Variants in CD99L2 observed in about 807,000 individuals in gnomAD.
CD99L2 encodes the protein CD99 molecule like 2.
Under a neutral mutation model 27.3 loss-of-function variants are expected in CD99L2, and 24 were observed. The ratio of observed to expected loss-of-function variants is 0.88; its 90% CI spans 0.64 to 1.24. The LOEUF (loss-of-function observed/expected upper bound fraction) is 1.24. CD99L2 is among the 50% of genes most tolerant of loss of function. The probability of loss-of-function intolerance (pLI) is 0.00; values close to 1 mark genes in which losing one functional copy is unlikely to be tolerated. For synonymous variants in CD99L2, 97 were observed against 87.9 expected, an observed-to-expected ratio of 1.10 and a Z score of -0.58; for missense variants, 255 against 221.6, an observed-to-expected ratio of 1.15 and a Z score of -0.96.
chrX:150,841,240 T>C (rs2046618632), intron 1 of CD99L2, among the ~76,000 whole-genome samples: 1 of 109,061 alleles, frequency 9.2e-6, no homozygotes, highest in South Asian at 3.9e-4. Flanking sequence ...AATAGTGGCA[T>C]GCAAGAGATC....
In CD99L2 at chrX:150,825,745, A is replaced by G. The variant is rs1446243478; in HGVS notation, c.130+5486T>C. ...CATCAAAACACTTAGCTCCTAAAAT[A>G]AAGAGACCCATTTCTGTGAAGCCTT... On this transcript the variant is annotated intron_variant, in intron 2 of 10. Transcript: ENST00000370377. Among the ~76,000 whole-genome samples the G allele has an allele frequency of 1.7e-4, 19 of 112,443 alleles. No individual in the cohort carries two copies. In the Admixed American group the frequency reaches 1.8e-3, roughly 11 times the overall value.
intron 1 of CD99L2, among the ~76,000 whole-genome samples, chrX:150,889,681 T>C (rs1174257813): frequency 8.9e-6 from 1 of 112,150 alleles, no homozygotes; most frequent in African/African-American, 3.2e-5. Flanking sequence ...AGGGGTGTCA[T>C]ATCTATAGGA....
At chrX:150,822,326 A>T (rs1275332500) in intron 2 of CD99L2, among the ~76,000 whole-genome samples, 1 of 112,272 alleles carries the variant, frequency 8.9e-6, no homozygotes, top group Non-Finnish European at 1.9e-5. Context: ...AAATTCACAG[A>T]TACAGAAAGT....
At chrX:150,792,918 C>G (rs2045716578) in intron 7 of CD99L2, among the ~76,000 whole-genome samples, 1 of 112,140 alleles carries the variant, frequency 8.9e-6, no homozygotes, top group Non-Finnish European at 1.9e-5. Flanking sequence ...TTAACACTAT[C>G]TGGCCTTGGG....
chrX:150,840,082 G>T (rs1018181713), intron 1 of CD99L2, among the ~76,000 whole-genome samples: 1 of 109,399 alleles, frequency 9.1e-6, no homozygotes, highest in Non-Finnish European at 1.9e-5. Flanking sequence ...ATGCTTGTAC[G>T]CCCAGCTACT....
At chrX:150,831,103 C>A in intron 2 of CD99L2, 128 bp downstream of exon 2, 1 of 569,745 alleles carries the variant, frequency 1.8e-6, no homozygotes. Flanking sequence ...GCTACCGTGT[C>A]CGGGCACTAT....
At chrX:150,786,125 T>C (rs1232386684) in intron 7 of CD99L2, among the ~76,000 whole-genome samples, 3 of 111,712 alleles carry the variant, frequency 2.7e-5, no homozygotes, top group Non-Finnish European at 5.6e-5. Flanking sequence ...CAACATTTGA[T>C]ACTACCTTTT....
intron 1 of CD99L2, among the ~76,000 whole-genome samples, chrX:150,847,063 G>A (rs1238138201): frequency 1.8e-4 from 20 of 112,192 alleles, no homozygotes; most frequent in African/African-American, 5.2e-4. Flanking sequence ...GGAGAAAGGC[G>A]CTGAGCACGA....
chrX:150,828,928 G>C (rs2046400505), intron 2 of CD99L2: 1 of 111,323 alleles, frequency 9.0e-6, no homozygotes, highest in Non-Finnish European at 1.9e-5. Context: ...GTCCACTGTA[G>C]CCCTATTTGT....
chrX:150,864,936 C>G (rs374568772), intron 1 of CD99L2, among the ~76,000 whole-genome samples: 50 of 109,897 alleles, frequency 4.5e-4, no homozygotes, highest in African/African-American at 1.6e-3. Context: ...TGTGGTGGTG[C>G]ACACCTGTGG....
chrX:150,815,435 G>A (rs187753037), intron 3 of CD99L2, among the ~76,000 whole-genome samples: 1 of 112,073 alleles, frequency 8.9e-6, no homozygotes, highest in Non-Finnish European at 1.9e-5. Flanking sequence ...CTACCGCACA[G>A]AACGTATTAT....
chrX:150,854,737 C>T (rs1252769530), intron 1 of CD99L2, among the ~76,000 whole-genome samples: 1 of 111,047 alleles, frequency 9.0e-6, no homozygotes, highest in Admixed American at 9.6e-5. Context: ...GTCTCACAAC[C>T]CTCAGAAGGA....
intron 9 of CD99L2, 95 bp downstream of exon 9, chrX:150,776,079 G>A: frequency 2.8e-6 from 3 of 1,077,953 alleles, no homozygotes; most frequent in Non-Finnish European, 3.7e-6. Flanking sequence ...GTGGGTCTCA[G>A]GCAGGCTGTG....
chrX:150,817,322 C>A (rs1290792184), intron 2 of CD99L2, among the ~76,000 whole-genome samples: 2 of 110,674 alleles, frequency 1.8e-5, no homozygotes, highest in Non-Finnish European at 3.8e-5. Context: ...TTAATAAAGA[C>A]AATGAGCTAA....
chrX:150,796,751 ATAAACT>A (rs782250475), intron 4 of CD99L2, among the ~76,000 whole-genome samples: 2 of 112,558 alleles, frequency 1.8e-5, no homozygotes, highest in East Asian at 2.8e-4. Flanking sequence ...GAACCAGGAA[ATAAACT>A]TCAACAAATT....
chrX:150,787,034 T>C (rs1843067982), intron 7 of CD99L2, among the ~76,000 whole-genome samples: 1 of 112,401 alleles, frequency 8.9e-6, no homozygotes, highest in Admixed American at 9.4e-5. Flanking sequence ...AGTCTGTTCA[T>C]GTCTTTTGCC....
At chrX:150,849,247 G>A (rs2046752710) in intron 1 of CD99L2, among the ~76,000 whole-genome samples, 1 of 111,526 alleles carries the variant, frequency 9.0e-6, no homozygotes, top group Non-Finnish European at 1.9e-5. Context: ...GCAATCTGGT[G>A]AGCAGCGTCA....
rs1370334502 is a variant in CD99L2 at position 150,898,157 on chromosome X, T to A, written c.67+365A>T. On this transcript the variant is annotated intron_variant, in intron 1 of 10. Coordinates refer to ENST00000370377, the MANE Select transcript of CD99L2 (RefSeq NM_031462.4). ...CCAGGTGCTTCTGCTGTCGGTGGCC[T>A]CGCAGCAAATTTCGAAAATGACTGC... Among the ~76,000 whole-genome samples the A allele has an allele frequency of 3.8e-5, 4 of 104,761 alleles. No homozygotes were observed. The East Asian group carries it at 1.3e-3, about 34-fold the overall frequency. 91.0% of individuals were successfully genotyped at this position (104,761 alleles called of 115,157 possible). A position where few individuals can be genotyped will look rare whatever the true frequency, so the allele number is the denominator to read the frequency against.
intron 1 of CD99L2, among the ~76,000 whole-genome samples, chrX:150,878,958 C>A: frequency 8.9e-6 from 1 of 111,818 alleles, no homozygotes; most frequent in Non-Finnish European, 1.9e-5. Flanking sequence ...GCTACCATTG[C>A]CTGCTCTCTA....
Sources: allele counts gnomAD v4.1 joint callset (sites outside exome capture counted in the v4.1 genomes callset), GRCh38; gene constraint gnomAD v4.1.1; transcripts MANE v1.5; gene names NCBI Gene and HGNC (gene_info 2026-07-23, HGNC 2026-07-21).